SPATA13: variants seen among roughly 807,000 people sequenced by gnomAD.
SPATA13 encodes spermatogenesis-associated protein 13.
Under a neutral mutation model 104.0 loss-of-function variants are expected in SPATA13, and 50 were observed. The ratio of observed to expected loss-of-function variants is 0.48; its 90% CI spans 0.38 to 0.61. The LOEUF (loss-of-function observed/expected upper bound fraction) is 0.61, where lower values mean the gene tolerates loss of function less well. SPATA13 is among the 20% of genes least tolerant of loss of function. The probability of loss-of-function intolerance (pLI) is 0.00; values close to 1 mark genes in which losing one functional copy is unlikely to be tolerated. For missense variants in SPATA13, 1,524 were observed against 1,690.6 expected, an observed-to-expected ratio of 0.90 and a Z score of 1.73; for synonymous variants, 606 against 667.5, an observed-to-expected ratio of 0.91 and a Z score of 1.42.
intron 3 of SPATA13, among the ~76,000 whole-genome samples, chr13:24,147,546 C>T (rs554107067): frequency 5.3e-5 from 8 of 152,304 alleles, no homozygotes; most frequent in African/African-American, 1.7e-4. Flanking sequence ...CTTCATATCT[C>T]AGCAGGGTCA....
intron 3 of SPATA13, among the ~76,000 whole-genome samples, chr13:24,039,606 G>A (rs150946792): frequency 1.8e-4 from 28 of 152,242 alleles, no homozygotes; most frequent in African/African-American, 5.8e-4. Flanking sequence ...TCGAGGGGTC[G>A]TTTCTTAGTT....
At chr13:24,143,688 A>T (rs374012010) in intron 3 of SPATA13, among the ~76,000 whole-genome samples, 1 of 152,196 alleles carries the variant, frequency 6.6e-6, no homozygotes, top group East Asian at 1.9e-4. Flanking sequence ...GGAACCCGAA[A>T]CGTCCTCCAG....
chr13:24,222,747 C>T (rs1871663146), intron 1 of SPATA13, 72 bp from the exon 2 acceptor site: 14 of 1,327,270 alleles, frequency 1.1e-5, no homozygotes, highest in Non-Finnish European at 1.4e-5. Context: ...CTGGAGCGTG[C>T]CTCTTCTTCT....
intron 3 of SPATA13, among the ~76,000 whole-genome samples, chr13:24,053,875 A>C (rs1000393809): frequency 6.6e-6 from 1 of 152,254 alleles, no homozygotes; most frequent in Non-Finnish European, 1.5e-5. Flanking sequence ...GCCATGAAGT[A>C]GGAATTCACA....
chr13:24,100,190 C>T (rs554778017), intron 3 of SPATA13, among the ~76,000 whole-genome samples: 1 of 152,028 alleles, frequency 6.6e-6, no homozygotes, highest in South Asian at 2.1e-4. Context: ...GGGGCAAGCC[C>T]CTGACAAGTT....
chr13:24,290,994 T>G, intron 9 of SPATA13, 110 bp downstream of exon 9: 1 of 826,346 alleles, frequency 1.2e-6, no homozygotes. Flanking sequence ...CTTAACACTT[T>G]GGGAGCTCCA....
intron 12 of SPATA13, among the ~76,000 whole-genome samples, chr13:24,300,934 G>A (rs1430174057): frequency 1.3e-5 from 2 of 152,184 alleles, no homozygotes; most frequent in Non-Finnish European, 2.9e-5. Context: ...TAAAGGTTCG[G>A]TACATCAGGC....
intron 2 of SPATA13, among the ~76,000 whole-genome samples, chr13:24,001,606 G>A (rs975534387): frequency 6.6e-6 from 1 of 152,026 alleles, no homozygotes; most frequent in Non-Finnish European, 1.5e-5. Context: ...TGCTTCCCAG[G>A]AGACCCTAGC....
chr13:24,082,923 GC>G (rs1879589088), intron 3 of SPATA13, among the ~76,000 whole-genome samples: 1 of 151,772 alleles, frequency 6.6e-6, no homozygotes, highest in Non-Finnish European at 1.5e-5. Context: ...GTATGGAAGG[GC>G]TGTCTTCTTT....
At chr13:24,228,804 T>TGATGTA (rs1458805833) in intron 2 of SPATA13, among the ~76,000 whole-genome samples, 38 of 152,356 alleles carry the variant, frequency 2.5e-4, no homozygotes, top group African/African-American at 8.9e-4. Flanking sequence ...AATCAACATA[T>TGATGTA]ATTATGGTGT....
intron 2 of SPATA13, among the ~76,000 whole-genome samples, chr13:24,242,326 A>G (rs1305618240): frequency 5.9e-5 from 9 of 152,216 alleles, no homozygotes; most frequent in Admixed American, 4.6e-4. Flanking sequence ...GAATGGAGAA[A>G]TAGCCCAGAG....
intron 3 of SPATA13, among the ~76,000 whole-genome samples, chr13:24,113,868 C>CAAAAAAAA (rs958434459): frequency 1.7e-3 from 93 of 55,194 alleles, no homozygotes; most frequent in East Asian, 3.8e-3. Flanking sequence ...GACTCGATCT[C>CAAAAAAAA]AAAAAAAAAA....
In SPATA13 at chr13:24,223,976, G is replaced by T; in HGVS notation, c.1047G>T (p.Leu349=). 1 of 1,549,320 alleles carries T rather than the reference G, an allele frequency of 6.5e-7. No homozygotes were observed. The highest frequency in any genetic ancestry group is 8.7e-7 in the Non-Finnish European group (1 of 1,145,532). Residue 349 remains leucine, a synonymous_variant, in exon 2 of 13, where the codon CTG becomes CTT. Transcript: ENST00000382108. The part of the protein sequence containing the change: ...SGAPSPGEAS[L]RLQAHSRLHD... ...CCCCATCCCCTGGAGAGGCCAGCCT[G>T]AGACTTCAGGCACACAGCCGGCTGC...
intron 4 of SPATA13, among the ~76,000 whole-genome samples, chr13:24,257,020 C>G (rs947478338): frequency 1.3e-5 from 2 of 152,200 alleles, no homozygotes; most frequent in South Asian, 4.1e-4. Context: ...AGACAACTTA[C>G]TCCATCACAG....
Position 24,297,647 on chromosome 13 carries a change from G to C in SPATA13, c.3495G>C (p.Leu1165Phe). Residue 1165 changes from leucine (L) to phenylalanine (F), a missense_variant, in exon 11 of 13, where the codon TTG (leucine) becomes TTC (phenylalanine). Coordinates refer to ENST00000382108, the MANE Select transcript of SPATA13 (RefSeq NM_001166271.3). ...GTAGGACCACAGACGAGGTTTATTT[G>C]TTTTGTGCCAAAAAACAAGAAGACA... Reference protein sequence around the residue: ...LVSRTTDEVYLFCAKKQEDKA... With the variant: ...LVSRTTDEVYFFCAKKQEDKA... The C allele has an allele frequency of 6.2e-7, 1 of 1,614,254 alleles. No individual in the cohort carries two copies. Among genetic ancestry groups the C allele is most frequent in the Non-Finnish European group, 8.5e-7 (1 of 1,180,048 alleles).
intron 1 of SPATA13, among the ~76,000 whole-genome samples, chr13:24,194,104 C>T (rs1159732527): frequency 6.6e-6 from 1 of 152,146 alleles, no homozygotes; most frequent in African/African-American, 2.4e-5. Flanking sequence ...ATCTTTGCTG[C>T]TTTATGGTTT....
chr13:24,059,398 C>T (rs1432315633), intron 3 of SPATA13, among the ~76,000 whole-genome samples: 2 of 146,778 alleles, frequency 1.4e-5, no homozygotes, highest in East Asian at 1.9e-4. Context: ...GAGGGAGTGC[C>T]TTGTGTTTTC....
At chr13:24,179,326 G>A (rs768214735) in intron 1 of SPATA13, among the ~76,000 whole-genome samples, 4 of 152,194 alleles carry the variant, frequency 2.6e-5, no homozygotes, top group Non-Finnish European at 5.9e-5. Context: ...TGGTAACTCA[G>A]TGTTGAAATT....
intron 3 of SPATA13, chr13:24,034,196 C>T (rs1031470206): frequency 5.3e-5 from 8 of 152,166 alleles, no homozygotes; most frequent in African/African-American, 1.9e-4. Flanking sequence ...TGGTCTTGGG[C>T]AAGAAGGGAA....
Sources: gnomAD v4.1 joint callset for allele counts (sites outside exome capture counted in the v4.1 genomes callset) on GRCh38, gnomAD v4.1.1 for gene constraint, MANE v1.5 for transcripts, NCBI Gene and HGNC (gene_info 2026-07-23, HGNC 2026-07-21) for gene names.